LRP6: variants seen among roughly 807,000 people sequenced by gnomAD.
LRP6 encodes low-density lipoprotein receptor-related protein 6.
In LRP6, 43 loss-of-function variants were observed where a neutral mutation model predicts 184.1. That is an observed-to-expected ratio of 0.23 (90% CI 0.18 to 0.30). LRP6 has a LOEUF of 0.30. Among genes scored for constraint, LRP6 ranks in the 10% least tolerant of loss-of-function variants. The probability of loss-of-function intolerance (pLI) is 1.00; values close to 1 mark genes in which losing one functional copy is unlikely to be tolerated. For synonymous variants in LRP6, 719 were observed against 684.9 expected, an observed-to-expected ratio of 1.05 and a Z score of -0.78; for missense variants, 1,571 against 2,005.3, an observed-to-expected ratio of 0.78 and a Z score of 4.14.
chr12:12,157,705 A>G (rs573256139), intron 12 of LRP6, among the ~76,000 whole-genome samples: 9 of 152,270 alleles, frequency 5.9e-5, no homozygotes, highest in Admixed American at 5.2e-4. Flanking sequence ...TCAATAGTTA[A>G]TTACCTCTAA....
chr12:12,123,126 T>C (rs1165718860), intron 22 of LRP6, among the ~76,000 whole-genome samples: 2 of 152,202 alleles, frequency 1.3e-5, no homozygotes, highest in Admixed American at 1.3e-4. Flanking sequence ...GATGTAAGTT[T>C]TGACTCAGAG....
At chr12:12,228,924 T>C (rs191077275) in intron 2 of LRP6, among the ~76,000 whole-genome samples, 1 of 152,282 alleles carries the variant, frequency 6.6e-6, no homozygotes, top group East Asian at 1.9e-4. Context: ...CATTCAAGGA[T>C]GCAGCACTGA....
chr12:12,179,352 C>T (rs900006065), intron 7 of LRP6, among the ~76,000 whole-genome samples: 5 of 146,334 alleles, frequency 3.4e-5, no homozygotes, highest in African/African-American at 1.4e-4. Context: ...CACCAGTTAA[C>T]AGCAATAAAA....
rs114881967 is a variant in LRP6, at chr12:12,241,171, T to C, written c.449+3091A>G. ...TTCAATAGCTTTCCCTTTACGTAAG[T>C]TGCTATGAGAGAGCTCAATCAGCTC... On this transcript the variant is annotated intron_variant, in intron 2 of 22. Transcript: ENST00000261349. Among the ~76,000 whole-genome samples the C allele has an allele frequency of 3.5e-3, 533 of 152,288 alleles. 3 individuals carry two copies. The highest frequency in any genetic ancestry group is 0.012 in the African/African-American group (502 of 41,564).
chr12:12,229,547 G>T (rs1411640649), intron 2 of LRP6, among the ~76,000 whole-genome samples: 3 of 152,138 alleles, frequency 2.0e-5, no homozygotes, highest in African/African-American at 7.2e-5. Flanking sequence ...TAAGGAGCAG[G>T]TTTGGTTGTT....
At chr12:12,248,635 C>G (rs962545335) in intron 1 of LRP6, among the ~76,000 whole-genome samples, 1 of 151,954 alleles carries the variant, frequency 6.6e-6, no homozygotes, top group East Asian at 1.9e-4. Flanking sequence ...GCGCCCGCCA[C>G]TACGCCCAGC....
At chr12:12,231,512 A>G (rs1360655402) in intron 2 of LRP6, among the ~76,000 whole-genome samples, 1 of 152,094 alleles carries the variant, frequency 6.6e-6, no homozygotes, top group East Asian at 1.9e-4. Flanking sequence ...GATTTATTCT[A>G]TCCACATAGT....
intron 15 of LRP6, chr12:12,138,739 G>C: frequency 6.8e-7 from 1 of 1,466,692 alleles, no homozygotes. Context: ...TCAAGAGCAA[G>C]TAAGTGCCCA....
At chr12:12,152,838 A>G (rs1340967113) in intron 12 of LRP6, among the ~76,000 whole-genome samples, 1 of 152,112 alleles carries the variant, frequency 6.6e-6, no homozygotes, top group Non-Finnish European at 1.5e-5. Flanking sequence ...CTTATTTTAC[A>G]TTTACACTCA....
chr12:12,130,820 A>C lies in LRP6; in HGVS notation c.4044T>G (p.Asn1348Lys). 6.2e-7 allele frequency: 1 copy of C among 1,613,682 alleles called. No homozygotes were observed. Among genetic ancestry groups the C allele is most frequent in the Non-Finnish European group, 8.5e-7 (1 of 1,179,582 alleles). ...CIGKHKKCDH[N>K]VDCSDKSDEL... ...CATCTGACTTGTCACTGCAATCCAC[A>C]TTATGATCACACTTCTTGTGCTTTC... is the stretch of plus-strand genomic sequence containing the variant. The change falls in exon 19 of 23, where the codon AAT (asparagine) becomes AAG (lysine). Residue 1348 changes from asparagine to lysine, a missense_variant. Around this residue, in one of 4 missense-constraint regions of LRP6, gnomAD observed 763 missense variants for 859.5 expected, o/e 0.89. Transcript: ENST00000261349.
chr12:12,125,743 T>C (rs1345580376), intron 20 of LRP6, among the ~76,000 whole-genome samples: 1 of 152,072 alleles, frequency 6.6e-6, no homozygotes, highest in African/African-American at 2.4e-5. Flanking sequence ...TTTGAAAGGA[T>C]TGTAAAGGGT....
chr12:12,183,029 T>C (rs768760444), intron 5 of LRP6, among the ~76,000 whole-genome samples: 18 of 152,248 alleles, frequency 1.2e-4, no homozygotes, highest in Non-Finnish European at 2.2e-4. Context: ...TGAAACCAAA[T>C]TGCTGTCTGC....
At chr12:12,135,725 T>C (rs1179116464) in intron 16 of LRP6, among the ~76,000 whole-genome samples, 2 of 151,874 alleles carry the variant, frequency 1.3e-5, no homozygotes, top group African/African-American at 4.8e-5. Context: ...CTTGGACTTT[T>C]ATTTCCACAC....
intron 2 of LRP6, among the ~76,000 whole-genome samples, chr12:12,217,383 C>A (rs1864375793): frequency 3.3e-5 from 5 of 151,880 alleles, no homozygotes; most frequent in African/African-American, 1.2e-4. Flanking sequence ...ACTCAGGGCT[C>A]CTACTGATTC....
intron 17 of LRP6, among the ~76,000 whole-genome samples, chr12:12,133,683 T>C (rs1179046410): frequency 6.6e-6 from 1 of 152,160 alleles, no homozygotes; most frequent in Non-Finnish European, 1.5e-5. Flanking sequence ...TTGCTAAATG[T>C]GCAAGCAAGA....
intron 13 of LRP6, 26 bp from the exon 14 acceptor site, chr12:12,149,179 AAATT>A: frequency 1.3e-6 from 2 of 1,587,840 alleles, no homozygotes; most frequent in Non-Finnish European, 1.7e-6. Flanking sequence ...AATACAGAGA[AAATT>A]AAACTCCAGG....
At chr12:12,243,257 G>A (rs1865108170) in intron 2 of LRP6, among the ~76,000 whole-genome samples, 1 of 152,184 alleles carries the variant, frequency 6.6e-6, no homozygotes, top group Non-Finnish European at 1.5e-5. Flanking sequence ...ACTCTGAAAT[G>A]AGATTTACTC....
rs1439517880 is a variant in LRP6, at chr12:12,119,988, AAAATATATATATATATATATATATAT to A, written c.*1112_*1137del. The stretch of plus-strand genomic sequence containing the variant: ...TTACTCAGAAAACAAACAAACAAAC[AAAATATATATATATATATATATATAT>A]ATATATATATATATATATATATATA... On this transcript the variant is annotated 3_prime_UTR_variant, in exon 23 of 23. Transcript: ENST00000261349. The A allele has an allele frequency of 1.0e-5, 1 of 97,046 alleles. No homozygotes were observed. The highest frequency in any genetic ancestry group is 2.1e-5 in the Non-Finnish European group (1 of 48,566). 6.0% of individuals were successfully genotyped at this position (97,046 alleles called of 1,614,324 possible).
chr12:12,146,090 T>C (rs956281770), intron 15 of LRP6, among the ~76,000 whole-genome samples: 26 of 152,234 alleles, frequency 1.7e-4, no homozygotes, highest in Non-Finnish European at 3.4e-4. Flanking sequence ...ATCTACCTTA[T>C]TCTTTTGAAT....
Sources: allele counts gnomAD v4.1 joint callset (sites outside exome capture counted in the v4.1 genomes callset), GRCh38; gene constraint gnomAD v4.1.1; regional missense constraint gnomAD v4.1.1; transcripts MANE v1.5; gene names NCBI Gene and HGNC (gene_info 2026-07-23, HGNC 2026-07-21).